Variants in NAALADL2 observed in about 807,000 individuals in gnomAD.
NAALADL2 encodes N-acetylated alpha-linked acidic dipeptidase like 2, also known as inactive N-acetylated-alpha-linked acidic dipeptidase-like protein 2.
A neutral mutation model predicts 87.2 loss-of-function variants in NAALADL2; 76 were observed. That is an observed-to-expected ratio of 0.87 (90% confidence interval 0.72 to 1.05). NAALADL2 has a LOEUF of 1.05. Among genes scored for constraint, NAALADL2 ranks in the 50% least tolerant of loss-of-function variants. The probability of loss-of-function intolerance (pLI) is 0.00; values close to 1 mark genes in which losing one functional copy is unlikely to be tolerated. For synonymous variants in NAALADL2, 354 were observed against 331.0 expected (o/e 1.07, Z -0.75); for missense variants, 1,089 against 945.8 (o/e 1.15, Z -1.99).
intron 5 of NAALADL2, among the ~76,000 whole-genome samples, chr3:175,392,780 C>T (rs1769234839): frequency 6.6e-6 from 1 of 152,144 alleles, no homozygotes; most frequent in South Asian, 2.1e-4. Context: ...TTCTGAATTA[C>T]AGAGCTGCTT....
intron 11 of NAALADL2, among the ~76,000 whole-genome samples, chr3:175,707,981 T>C (rs566860134): frequency 6.8e-4 from 103 of 151,992 alleles, no homozygotes; most frequent in African/African-American, 2.3e-3. Flanking sequence ...TGTGAAATGA[T>C]TCACCGAACT....
intron 3 of NAALADL2, among the ~76,000 whole-genome samples, chr3:174,763,315 G>A (rs1018327393): frequency 5.3e-5 from 8 of 151,874 alleles, no homozygotes; most frequent in East Asian, 3.9e-4. Flanking sequence ...TTGGCCGGGC[G>A]CAGTGGCTCA....
At chr3:175,204,990 T>C (rs1271259412) in intron 2 of NAALADL2, among the ~76,000 whole-genome samples, 2 of 152,096 alleles carry the variant, frequency 1.3e-5, no homozygotes, top group South Asian at 2.1e-4. Context: ...CCCATGCTCA[T>C]AGATGGAGAA....
chr3:175,069,125 C>T (rs1328958211), intron 1 of NAALADL2, among the ~76,000 whole-genome samples: 2 of 150,678 alleles, frequency 1.3e-5, no homozygotes, highest in Non-Finnish European at 2.9e-5. Context: ...TCTCAAACAC[C>T]AAAAGCAATG....
intron 2 of NAALADL2, among the ~76,000 whole-genome samples, chr3:175,213,875 T>A (rs1349200357): frequency 6.6e-6 from 1 of 152,118 alleles, no homozygotes; most frequent in Non-Finnish European, 1.5e-5. Context: ...CATTAGCATT[T>A]CCCCTTCTCA....
intron 3 of NAALADL2, among the ~76,000 whole-genome samples, chr3:174,794,601 C>T (rs529659690): frequency 6.6e-6 from 1 of 152,258 alleles, no homozygotes; most frequent in Admixed American, 6.5e-5. Context: ...GAAAAGCATT[C>T]TCTGCACAGA....
chr3:175,532,397 G>A (rs535755003), intron 9 of NAALADL2, among the ~76,000 whole-genome samples: 2 of 152,320 alleles, frequency 1.3e-5, no homozygotes, highest in East Asian at 3.9e-4. Flanking sequence ...GTGTAGTGCA[G>A]TCCTTCCTCA....
chr3:175,642,483 T>G (rs1729421809), intron 11 of NAALADL2, among the ~76,000 whole-genome samples: 1 of 151,352 alleles, frequency 6.6e-6, no homozygotes, highest in South Asian at 2.1e-4. Context: ...ATGCCCAAGA[T>G]ATTCATCACC....
At chr3:175,201,437 G>T (rs375750682) in intron 2 of NAALADL2, among the ~76,000 whole-genome samples, 56 of 152,164 alleles carry the variant, frequency 3.7e-4, no homozygotes, top group African/African-American at 1.3e-3. Context: ...GGAAAATCAT[G>T]TTAAGATTAT....
At chr3:175,199,829 TATATATATATATATATATATATATATATA>T (rs1739554987) in intron 2 of NAALADL2, among the ~76,000 whole-genome samples, 1 of 9,130 alleles carries the variant, frequency 1.1e-4, no homozygotes, top group Non-Finnish European at 2.2e-4. Flanking sequence ...AATATATATA[TATATATATATATATATATATATATATATA>T]TATATATTTT....
At chr3:174,680,988 C>T (rs1000303047) in intron 2 of NAALADL2, among the ~76,000 whole-genome samples, 1 of 152,074 alleles carries the variant, frequency 6.6e-6, no homozygotes, top group South Asian at 2.1e-4. Context: ...CCAGCCTCAA[C>T]AGTAGCTGTG....
intron 9 of NAALADL2, among the ~76,000 whole-genome samples, chr3:175,485,331 C>T (rs946579198): frequency 1.3e-5 from 2 of 151,918 alleles, no homozygotes; most frequent in African/African-American, 4.8e-5. Context: ...TTCTCCACAG[C>T]GACAAAACTA....
At chr3:175,197,040 G>A (rs1452673000) in intron 2 of NAALADL2, among the ~76,000 whole-genome samples, 1 of 151,916 alleles carries the variant, frequency 6.6e-6, no homozygotes, top group Non-Finnish European at 1.5e-5. Context: ...ACTGCAATAT[G>A]CAATTTGCTG....
intron 5 of NAALADL2, among the ~76,000 whole-genome samples, chr3:175,394,253 T>C (rs1769475427): frequency 6.6e-6 from 1 of 152,208 alleles, no homozygotes; most frequent in Admixed American, 6.5e-5. Context: ...AGTCGGTTAA[T>C]GGGCACAAAT....
intron 2 of NAALADL2, among the ~76,000 whole-genome samples, chr3:175,139,211 A>C (rs931579475): frequency 6.6e-6 from 1 of 151,690 alleles, no homozygotes; most frequent in Admixed American, 6.6e-5. Flanking sequence ...CCTCAGATTT[A>C]TTCATTTTCT....
intron 11 of NAALADL2, among the ~76,000 whole-genome samples, chr3:175,703,638 G>C (rs1739285259): frequency 1.3e-5 from 2 of 152,142 alleles, no homozygotes; most frequent in African/African-American, 4.8e-5. Context: ...AGCTACTCGG[G>C]AGGCTGAGGC....
intron 2 of NAALADL2, among the ~76,000 whole-genome samples, chr3:175,162,723 T>G (rs1733412463): frequency 6.6e-6 from 1 of 152,162 alleles, no homozygotes; most frequent in African/African-American, 2.4e-5. Context: ...CAAAGGAAAT[T>G]TTGTCAAAGT....
chr3:175,425,376 ACTC>A (rs1314836371), intron 5 of NAALADL2, among the ~76,000 whole-genome samples: 3 of 152,110 alleles, frequency 2.0e-5, no homozygotes, highest in Admixed American at 6.6e-5. Context: ...CTGGCTCCTC[ACTC>A]CTCCTGCTAC....
chr3:174,541,340 T>G, intron 1 of NAALADL2, among the ~76,000 whole-genome samples: 1 of 152,124 alleles, frequency 6.6e-6, no homozygotes, highest in East Asian at 1.9e-4. Context: ...TTTCTAAAAA[T>G]TTTTACATTC....
Sources: allele counts gnomAD v4.1 joint callset (sites outside exome capture counted in the v4.1 genomes callset), GRCh38; gene constraint gnomAD v4.1.1; transcripts MANE v1.5; gene names NCBI Gene and HGNC (gene_info 2026-07-23, HGNC 2026-07-21).